Variants in NALF1 observed in about 807,000 individuals in gnomAD.
The protein encoded by NALF1 is family with sequence similarity 155 member A.
A neutral mutation model predicts 48.4 loss-of-function variants in NALF1; 3 were observed. That is an observed-to-expected ratio of 0.06 (90% CI 0.03 to 0.16). The LOEUF is 0.16. Ranked by LOEUF, NALF1 falls within the 10% of genes least tolerant of loss-of-function variation. The pLI, the probability that NALF1 is intolerant of heterozygous loss-of-function variation, is 1.00. For missense variants in NALF1, 526 were observed against 571.5 expected, an observed-to-expected ratio of 0.92 and a Z score of 0.81; for synonymous variants, 262 against 245.7, an observed-to-expected ratio of 1.07 and a Z score of -0.62.
intron 1 of NALF1, among the ~76,000 whole-genome samples, chr13:107,230,660 T>C (rs899161582): frequency 1.3e-5 from 2 of 151,740 alleles, no homozygotes; most frequent in African/African-American, 2.4e-5. Context: ...CAAGAGAAAA[T>C]AGAAGCACAG....
intron 1 of NALF1, among the ~76,000 whole-genome samples, chr13:107,275,639 G>C (rs1003642091): frequency 6.6e-6 from 1 of 152,040 alleles, no homozygotes; most frequent in Non-Finnish European, 1.5e-5. Flanking sequence ...CTGATCTCCA[G>C]GTCTTCCAGG....
At chr13:107,273,252 T>C (rs1467326860) in intron 1 of NALF1, among the ~76,000 whole-genome samples, 1 of 152,198 alleles carries the variant, frequency 6.6e-6, no homozygotes, top group Non-Finnish European at 1.5e-5. Context: ...TAGGTCATAA[T>C]GTTTTGTCCT....
At chr13:107,522,765 G>A (rs1030333958) in intron 1 of NALF1, among the ~76,000 whole-genome samples, 9 of 151,582 alleles carry the variant, frequency 5.9e-5, no homozygotes, top group African/African-American at 1.2e-4. Flanking sequence ...CACCATGCTC[G>A]ACTAATTTTT....
intron 2 of NALF1, among the ~76,000 whole-genome samples, chr13:107,187,266 A>G (rs74113910): frequency 0.018 from 2,732 of 152,314 alleles, 94 homozygotes; most frequent in African/African-American, 0.063. Context: ...GGCATAAACC[A>G]GAGAGAAGGT....
At chr13:107,218,169 C>T (rs896629694) in intron 1 of NALF1, among the ~76,000 whole-genome samples, 10 of 152,160 alleles carry the variant, frequency 6.6e-5, no homozygotes, top group Admixed American at 2.6e-4. Flanking sequence ...ACCTCCCTCA[C>T]GAATCCCTCA....
chr13:107,392,192 A>G (rs1372213266), intron 1 of NALF1, among the ~76,000 whole-genome samples: 1 of 152,042 alleles, frequency 6.6e-6, no homozygotes, highest in Non-Finnish European at 1.5e-5. Flanking sequence ...AGGACAAGTG[A>G]GCTGGGAGTG....
intron 1 of NALF1, among the ~76,000 whole-genome samples, chr13:107,666,778 ATT>A (rs972346731): frequency 3.3e-5 from 5 of 151,774 alleles, no homozygotes; most frequent in African/African-American, 1.2e-4. Context: ...TGCCCCCATA[ATT>A]TTTTTGTAAA....
In NALF1 at chr13:107,685,266, A is replaced by T. The variant is rs755694927; in HGVS notation, c.915+180416T>A. ...GAAGCCGAGGGTGCAGTGAGCCAAG[A>T]CCTGTGCCATTGCTCCAGCCTGGGT... On this transcript the variant is annotated intron_variant, in intron 1 of 2. Transcript: ENST00000375915. Among the ~76,000 whole-genome samples the T allele has an allele frequency of 2.6e-4, 40 of 152,242 alleles. 1 individual carries two copies. Among genetic ancestry groups the T allele is most frequent in the Middle Eastern group, 3.4e-3 (1 of 294 alleles).
intron 1 of NALF1, among the ~76,000 whole-genome samples, chr13:107,579,739 T>C (rs1232104678): frequency 3.9e-5 from 6 of 151,970 alleles, no homozygotes; most frequent in African/African-American, 2.4e-5. Context: ...TAGTTACATA[T>C]GTATACATGT....
chr13:107,686,673 T>C (rs908161447), intron 1 of NALF1, among the ~76,000 whole-genome samples: 4 of 152,160 alleles, frequency 2.6e-5, no homozygotes, highest in African/African-American at 9.6e-5. Context: ...AAAGAAGACA[T>C]ACAACGGCCC....
At chr13:107,292,457 G>A (rs925028427) in intron 1 of NALF1, among the ~76,000 whole-genome samples, 1 of 149,156 alleles carries the variant, frequency 6.7e-6, no homozygotes. Context: ...GTCTTTATAT[G>A]CTTATTTATA....
At chr13:107,422,060 T>C (rs913222330) in intron 1 of NALF1, among the ~76,000 whole-genome samples, 5 of 152,138 alleles carry the variant, frequency 3.3e-5, no homozygotes. Flanking sequence ...ACCCATAAGA[T>C]GTATTCCAGG....
intron 1 of NALF1, among the ~76,000 whole-genome samples, chr13:107,706,452 TAAG>T (rs1200170887): frequency 2.0e-5 from 3 of 152,226 alleles, no homozygotes; most frequent in African/African-American, 7.2e-5. Context: ...GCATTCTTTT[TAAG>T]AAGATGAGTT....
At chr13:107,385,320 A>G (rs927777751) in intron 1 of NALF1, among the ~76,000 whole-genome samples, 1 of 152,130 alleles carries the variant, frequency 6.6e-6, no homozygotes, top group Non-Finnish European at 1.5e-5. Context: ...TGGGAGGCCG[A>G]GGAGGGTGGA....
In NALF1 at chr13:107,636,195, A is replaced by G. The variant is rs559210741; in HGVS notation, c.915+229487T>C. ...TCACATCCCTCCTGCACAGCGAAGA[A>G]GCAGAAGCTGTCACTACATCACACG... is the stretch of plus-strand genomic sequence containing the variant. On this transcript the variant is annotated intron_variant, in intron 1 of 2. Transcript: ENST00000375915. Among the ~76,000 whole-genome samples, 4 of 152,260 alleles carry G rather than the reference A, an allele frequency of 2.6e-5. No individual in the cohort carries two copies. The South Asian group carries it at 8.3e-4, about 32-fold the overall frequency.
intron 2 of NALF1, among the ~76,000 whole-genome samples, chr13:107,202,753 G>A (rs1053101414): frequency 2.6e-5 from 4 of 152,190 alleles, no homozygotes; most frequent in Admixed American, 6.5e-5. Flanking sequence ...ACAGCAGGCT[G>A]TGGGCGTGAT....
intron 1 of NALF1, among the ~76,000 whole-genome samples, chr13:107,783,521 A>T (rs1877983857): frequency 6.6e-6 from 1 of 152,210 alleles, no homozygotes; most frequent in South Asian, 2.1e-4. Flanking sequence ...TGTACTAAGA[A>T]AAATTCTTCT....
chr13:107,313,113 C>G (rs1298838369), intron 1 of NALF1, among the ~76,000 whole-genome samples: 2 of 151,794 alleles, frequency 1.3e-5, no homozygotes, highest in African/African-American at 2.4e-5. Flanking sequence ...GGAGAAATCT[C>G]TAGAAAGCAA....
chr13:107,739,363 TATAA>T (rs1474214212), intron 1 of NALF1, among the ~76,000 whole-genome samples: 2 of 148,200 alleles, frequency 1.3e-5, no homozygotes, highest in Non-Finnish European at 3.0e-5. Flanking sequence ...ATATATAATA[TATAA>T]ATATATAATT....
Sources: gnomAD v4.1 joint callset for allele counts (sites outside exome capture counted in the v4.1 genomes callset) on GRCh38, gnomAD v4.1.1 for gene constraint, MANE v1.5 for transcripts, NCBI Gene and HGNC (gene_info 2026-07-23, HGNC 2026-07-21) for gene names.